PTPRD: variants seen among roughly 807,000 people sequenced by gnomAD.
The protein encoded by PTPRD is protein tyrosine phosphatase receptor type D.
PTPRD carries 34 observed loss-of-function variants against 214.5 expected under a neutral mutation model. The observed-to-expected ratio is 0.16, with a 90% confidence interval of 0.12 to 0.21. The LOEUF (loss-of-function observed/expected upper bound fraction) is 0.21, where lower values mean the gene tolerates loss of function less well. PTPRD is among the 10% of genes least tolerant of loss of function. The pLI is 1.00. For missense variants in PTPRD, 2,545 were observed against 2,398.7 expected, an observed-to-expected ratio of 1.06 and a Z score of -1.27; for synonymous variants, 1,128 against 845.7, an observed-to-expected ratio of 1.33 and a Z score of -5.79.
At chr9:9,311,869 C>A (rs1380987799) in intron 9 of PTPRD, among the ~76,000 whole-genome samples, 3 of 152,118 alleles carry the variant, frequency 2.0e-5, no homozygotes, top group Admixed American at 2.0e-4. Context: ...ATGTTTAAAG[C>A]AATTCATTAA....
chr9:9,446,496 T>G (rs1249378409), intron 8 of PTPRD, among the ~76,000 whole-genome samples: 1 of 152,214 alleles, frequency 6.6e-6, no homozygotes, highest in Admixed American at 6.5e-5. Context: ...GGAATCAATG[T>G]GGCCTTTGGC....
At chr9:10,436,642 A>C (rs1044084560) in intron 2 of PTPRD, among the ~76,000 whole-genome samples, 4 of 151,846 alleles carry the variant, frequency 2.6e-5, no homozygotes, top group Non-Finnish European at 5.9e-5. Context: ...TAATGCATAA[A>C]CTCTTACTTT....
At chr9:9,404,940 C>G (rs1483289180) in intron 8 of PTPRD, among the ~76,000 whole-genome samples, 1 of 152,052 alleles carries the variant, frequency 6.6e-6, no homozygotes, top group East Asian at 1.9e-4. Context: ...GCTTTCTGCC[C>G]CAGTGAACAA....
intron 4 of PTPRD, among the ~76,000 whole-genome samples, chr9:10,016,101 T>C (rs1408464846): frequency 1.3e-5 from 2 of 152,140 alleles, no homozygotes; most frequent in Admixed American, 1.3e-4. Flanking sequence ...CTCAATTAAA[T>C]CATATGTGGT....
At chr9:9,624,323 C>A (rs975606997) in intron 7 of PTPRD, among the ~76,000 whole-genome samples, 14 of 151,996 alleles carry the variant, frequency 9.2e-5, no homozygotes, top group Admixed American at 5.2e-4. Context: ...CACTCTGTCA[C>A]CCAGGCTGGA....
intron 4 of PTPRD, among the ~76,000 whole-genome samples, chr9:9,972,706 G>A (rs536478249): frequency 2.4e-4 from 37 of 152,204 alleles, no homozygotes; most frequent in Non-Finnish European, 4.6e-4. Flanking sequence ...AGGTCCTGAG[G>A]GGACAGTCCA....
At chr9:9,271,972 T>C (rs1943118609) in intron 9 of PTPRD, among the ~76,000 whole-genome samples, 1 of 151,370 alleles carries the variant, frequency 6.6e-6, no homozygotes, top group African/African-American at 2.4e-5. Context: ...CATTATTATT[T>C]CTTTCATGAG....
chr9:8,465,722 C>A (rs76335877), intron 31 of PTPRD, 47 bp from the exon 32 acceptor site: 2 of 1,491,620 alleles, frequency 1.3e-6, no homozygotes, highest in Non-Finnish European at 1.8e-6. Context: ...AAATAATAAC[C>A]CAGCTTATTG....
chr9:9,960,073 T>C (rs950523581), intron 4 of PTPRD, among the ~76,000 whole-genome samples: 20 of 151,882 alleles, frequency 1.3e-4, no homozygotes, highest in Non-Finnish European at 1.5e-5. Flanking sequence ...TAAAAAGAAA[T>C]TAGGGCTCCT....
intron 3 of PTPRD, among the ~76,000 whole-genome samples, chr9:10,057,924 A>G (rs2097689429): frequency 6.6e-6 from 1 of 152,050 alleles, no homozygotes; most frequent in Non-Finnish European, 1.5e-5. Context: ...GGCTCATGAC[A>G]GTGACATGGA....
chr9:10,606,905 G>C (rs1050762940), intron 2 of PTPRD, among the ~76,000 whole-genome samples: 6 of 151,852 alleles, frequency 4.0e-5, no homozygotes, highest in African/African-American at 1.4e-4. Context: ...GACTTCTGTA[G>C]CTGATTACGT....
At chr9:9,027,845 C>A (rs2099592309) in intron 10 of PTPRD, among the ~76,000 whole-genome samples, 1 of 151,978 alleles carries the variant, frequency 6.6e-6, no homozygotes, top group East Asian at 1.9e-4. Context: ...TTGAATCATG[C>A]CCTTCAAACT....
intron 9 of PTPRD, among the ~76,000 whole-genome samples, chr9:9,188,923 C>T (rs974054460): frequency 1.3e-5 from 2 of 151,830 alleles, no homozygotes; most frequent in Non-Finnish European, 1.5e-5. Flanking sequence ...TCTCTTTACA[C>T]AGGAAAATCA....
At chr9:8,634,199 C>G (rs1009327495) in intron 13 of PTPRD, among the ~76,000 whole-genome samples, 1 of 151,346 alleles carries the variant, frequency 6.6e-6, no homozygotes, top group Non-Finnish European at 1.5e-5. Context: ...TTTAGTGACA[C>G]TGATAATCCT....
At chr9:9,906,086 C>T (rs1168606471) in intron 5 of PTPRD, among the ~76,000 whole-genome samples, 3 of 151,814 alleles carry the variant, frequency 2.0e-5, no homozygotes, top group Non-Finnish European at 4.4e-5. Context: ...AGGATGCCTG[C>T]GAGGCAAACT....
intron 5 of PTPRD, among the ~76,000 whole-genome samples, chr9:9,843,937 G>A (rs955990085): frequency 6.6e-6 from 1 of 151,848 alleles, no homozygotes; most frequent in African/African-American, 2.4e-5. Flanking sequence ...GATTCATTGG[G>A]GAAGAGCTTC....
intron 8 of PTPRD, among the ~76,000 whole-genome samples, chr9:9,503,074 C>G (rs1422934060): frequency 1.3e-5 from 2 of 151,604 alleles, no homozygotes; most frequent in Non-Finnish European, 2.9e-5. Context: ...AATTTTTTGC[C>G]TTGATTAAAA....
In PTPRD at chr9:8,486,067, ACTT is replaced by A. The variant is rs748780099; in HGVS notation, c.2747_2749del (p.Glu916del). The A allele has an allele frequency of 3.7e-6, 6 of 1,614,140 alleles. No homozygotes were observed. Among genetic ancestry groups the A allele is most frequent in the Non-Finnish European group, 4.2e-6 (5 of 1,180,012 alleles). On this transcript the variant is annotated inframe_deletion, in exon 28 of 46. Transcript: ENST00000381196. ...AAGGTTTTGAGGGAATCCAGTTGGT[ACTT>A]CTTCTGGAATGGAAATCTCCTTCAC... is the stretch of plus-strand genomic sequence containing the variant.
intron 7 of PTPRD, among the ~76,000 whole-genome samples, chr9:9,683,532 C>T (rs544898432): frequency 4.4e-4 from 67 of 151,448 alleles, no homozygotes; most frequent in Non-Finnish European, 6.8e-4. Flanking sequence ...ATTCAAGAAG[C>T]GACAATGCAT....
Sources: allele counts gnomAD v4.1 joint callset (sites outside exome capture counted in the v4.1 genomes callset), GRCh38; gene constraint gnomAD v4.1.1; transcripts MANE v1.5; gene names NCBI Gene and HGNC (gene_info 2026-07-23, HGNC 2026-07-21).